ARFGEF2: variants seen among roughly 807,000 people sequenced by gnomAD.
ARFGEF2 encodes the protein brefeldin A-inhibited guanine nucleotide-exchange protein 2.
A neutral mutation model predicts 219.9 loss-of-function variants in ARFGEF2; 74 were observed. The ratio of observed to expected loss-of-function variants is 0.34; its 90% CI spans 0.28 to 0.41. The LOEUF (loss-of-function observed/expected upper bound fraction) is 0.41, where lower values mean the gene tolerates loss of function less well. Ranked by LOEUF, ARFGEF2 falls within the 10% of genes least tolerant of loss-of-function variation. The pLI, the probability that ARFGEF2 is intolerant of heterozygous loss-of-function variation, is 1.00. For missense variants in ARFGEF2, 1,743 were observed against 2,218.3 expected (o/e 0.79, Z 4.30); for synonymous variants, 733 against 799.2 (o/e 0.92, Z 1.40).
chr20:48,991,249 C>T, intron 21 of ARFGEF2, 51 bp downstream of exon 21: 1 of 1,608,978 alleles, frequency 6.2e-7, no homozygotes, highest in Non-Finnish European at 8.5e-7. Context: ...CTCCTGGCTT[C>T]CTTTTATTCA....
At position 48,956,052 on chromosome 20, in the gene ARFGEF2, T is replaced by C. The variant is rs1251753845; in HGVS notation, c.838+2262T>C. Among the ~76,000 whole-genome samples the C allele has an allele frequency of 2.6e-5, 4 of 152,156 alleles. No individual in the cohort carries two copies. The East Asian group carries it at 7.7e-4, about 29-fold the overall frequency. On this transcript the variant is annotated intron_variant, in intron 6 of 38. Transcript: ENST00000371917. Reference sequence around the variant, plus strand: ...GAACAGGTCCTTCAGAAGAGGGAGTTGAACAAGGGAGACACGTACCCAGGG... The same window carrying C: ...GAACAGGTCCTTCAGAAGAGGGAGTCGAACAAGGGAGACACGTACCCAGGG...
At chr20:48,974,025 T>G (rs1434383112) in intron 12 of ARFGEF2, among the ~76,000 whole-genome samples, 1 of 152,126 alleles carries the variant, frequency 6.6e-6, no homozygotes, top group East Asian at 1.9e-4. Flanking sequence ...GGGGATACGT[T>G]GTATCCAGAG....
intron 5 of ARFGEF2, among the ~76,000 whole-genome samples, chr20:48,953,142 TTTTCTTTCTTTC>T (rs544917028): frequency 1.1e-4 from 17 of 151,460 alleles, no homozygotes; most frequent in Admixed American, 3.3e-4. Flanking sequence ...TGGCTGGAAT[TTTTCTTTCTTTC>T]TTTCTTTCTT....
Position 48,971,373 on chromosome 20 carries a change from T to A in ARFGEF2, c.1425+19T>A. Reference sequence around the variant, plus strand: ...GATAGAGGTACGGATTCCAAAGTTTTTTCATTTCATTATTTACTATTATTA... The same window carrying A: ...GATAGAGGTACGGATTCCAAAGTTTATTCATTTCATTATTTACTATTATTA... On this transcript the variant is annotated intron_variant, in intron 10 of 38. Transcript: ENST00000371917. 1 of 1,551,434 alleles carries A rather than the reference T, an allele frequency of 6.4e-7. No homozygotes were observed. The highest frequency in any genetic ancestry group is 8.9e-7 in the Non-Finnish European group (1 of 1,124,022).
At chr20:48,953,844 G>C (rs530687189) in intron 6 of ARFGEF2, 54 bp downstream of exon 6, 4 of 1,514,828 alleles carry the variant, frequency 2.6e-6, no homozygotes, top group Non-Finnish European at 3.6e-6. Flanking sequence ...GAATCAGCCT[G>C]TGAGGGGCAG....
chr20:49,005,737 C>CAAAAA (rs56730863), intron 26 of ARFGEF2, among the ~76,000 whole-genome samples: 161 of 60,662 alleles, frequency 2.7e-3, no homozygotes, highest in East Asian at 3.1e-3. Flanking sequence ...GACTCCGTCT[C>CAAAAA]AAAAAAAAAA....
chr20:48,983,120 C>T (rs2091307045), intron 14 of ARFGEF2, among the ~76,000 whole-genome samples: 1 of 152,174 alleles, frequency 6.6e-6, no homozygotes, highest in Admixed American at 6.5e-5. Context: ...CCTATTTGGC[C>T]ATCTTGGGAC....
At chr20:48,992,616 G>A (rs1349087157) in intron 21 of ARFGEF2, among the ~76,000 whole-genome samples, 1 of 152,172 alleles carries the variant, frequency 6.6e-6, no homozygotes, top group East Asian at 1.9e-4. Context: ...AATGAAGAGG[G>A]CTTGGGACTG....
At chr20:48,983,301 C>CT (rs2091308014) in intron 14 of ARFGEF2, among the ~76,000 whole-genome samples, 1 of 152,182 alleles carries the variant, frequency 6.6e-6, no homozygotes, top group Non-Finnish European at 1.5e-5. Flanking sequence ...TCTTTCCAGT[C>CT]TTTTACACAC....
Position 48,991,120 on chromosome 20 carries a change from G to A in ARFGEF2, c.2895G>A (p.Gln965=). The change falls in exon 21 of 39, where the codon CAG becomes CAA. Residue 965 remains glutamine, a synonymous_variant. Coordinates refer to ENST00000371917, the MANE Select transcript of ARFGEF2 (RefSeq NM_006420.3). ...GCTCCAGCATCACAGAAATGAAGCA[G>A]AAAAACATCGACACCATTAAGACGC... ...TASSSITEMK[Q]KNIDTIKTLI... The A allele has an allele frequency of 6.2e-7, 1 of 1,614,158 alleles. No individual in the cohort carries two copies. The highest frequency in any genetic ancestry group is 8.5e-7 in the Non-Finnish European group (1 of 1,180,032).
chr20:49,021,969 G>A (rs2091567352), intron 34 of ARFGEF2, among the ~76,000 whole-genome samples: 1 of 151,570 alleles, frequency 6.6e-6, no homozygotes, highest in African/African-American at 2.4e-5. Flanking sequence ...CTAAGATGGC[G>A]AAACCCCATC....
At position 48,984,835 on chromosome 20, in the gene ARFGEF2, G is replaced by A; in HGVS notation, c.2065G>A (p.Asp689Asn). 1 of 1,612,484 alleles carries A rather than the reference G, an allele frequency of 6.2e-7. No homozygotes were observed. Among genetic ancestry groups the A allele is most frequent in the Non-Finnish European group, 8.5e-7 (1 of 1,180,024 alleles). ...ATTCCTGCACCAGGAGGAGCGCCTG[G>A]ATTCCGTAAGGCTTGGGGGTGTAGC... ...AQFLHQEERL[D>N]STQVGDFLGD... The change falls in exon 15 of 39, where the codon GAT becomes AAT. Residue 689 changes from aspartate to asparagine, a missense_variant. Asp to Asn is a conservative substitution (Grantham distance 23). Around this residue, in one of 5 missense-constraint regions of ARFGEF2, gnomAD observed 666 missense variants for 955.4 expected, o/e 0.70. Coordinates refer to ENST00000371917, the MANE Select transcript of ARFGEF2 (RefSeq NM_006420.3).
chr20:49,023,789 C>T (rs555583345), intron 35 of ARFGEF2, among the ~76,000 whole-genome samples: 4 of 152,184 alleles, frequency 2.6e-5, no homozygotes, highest in South Asian at 4.1e-4. Context: ...CCGCCCGCCT[C>T]GGCCTCCCAA....
At chr20:48,927,063 G>C (rs761148707) in intron 1 of ARFGEF2, among the ~76,000 whole-genome samples, 4 of 152,198 alleles carry the variant, frequency 2.6e-5, no homozygotes, top group Non-Finnish European at 4.4e-5. Context: ...GGTGAGCATA[G>C]TCAGCTCTCC....
chr20:49,032,266 A>G (rs565353932), intron 38 of ARFGEF2, 100 bp downstream of exon 38: 2 of 865,010 alleles, frequency 2.3e-6, no homozygotes, highest in Admixed American at 1.7e-5. Flanking sequence ...AGTTCTCCCA[A>G]GGATGGTTAC....
At chr20:48,987,002 A>C (rs988176326) in intron 16 of ARFGEF2, among the ~76,000 whole-genome samples, 5 of 152,134 alleles carry the variant, frequency 3.3e-5, no homozygotes, top group Non-Finnish European at 5.9e-5. Context: ...ACCACACCTG[A>C]TTGAAACATT....
intron 14 of ARFGEF2, among the ~76,000 whole-genome samples, chr20:48,978,802 G>C (rs930764386): frequency 5.9e-5 from 9 of 152,174 alleles, no homozygotes; most frequent in South Asian, 2.1e-4. Flanking sequence ...AGGAATACTT[G>C]TGATTTTTGC....
At chr20:48,979,977 C>A (rs1318396352) in intron 14 of ARFGEF2, among the ~76,000 whole-genome samples, 1 of 151,444 alleles carries the variant, frequency 6.6e-6, no homozygotes, top group Non-Finnish European at 1.5e-5. Flanking sequence ...ATGTCTCTAT[C>A]TCCTTCAGTT....
rs2295024 is a variant in ARFGEF2 at position 48,965,592 on chromosome 20, G to A, written c.908-280G>A. On this transcript the variant is annotated intron_variant, in intron 7 of 38. Coordinates refer to ENST00000371917, the MANE Select transcript of ARFGEF2 (RefSeq NM_006420.3). The stretch of plus-strand genomic sequence containing the variant: ...TCAAAAGTGAATGGGGGTGGGTAGG[G>A]CTGCTGCATTGCACAGTTCTGGAGG... Among the ~76,000 whole-genome samples, 37,053 of 152,070 alleles carry A rather than the reference G, an allele frequency of 0.24. 5,150 individuals are homozygous for A. Among genetic ancestry groups the A allele is most frequent in the East Asian group, 0.47 (2,438 of 5,160 alleles).
Sources: gnomAD v4.1 joint callset for allele counts (sites outside exome capture counted in the v4.1 genomes callset) on GRCh38, gnomAD v4.1.1 for gene constraint, gnomAD v4.1.1 regional missense constraint, MANE v1.5 for transcripts, NCBI Gene and HGNC (gene_info 2026-07-23, HGNC 2026-07-21) for gene names.